PRKN: variants seen among roughly 807,000 people sequenced by gnomAD.
PRKN encodes the protein E3 ubiquitin-protein ligase parkin.
Under a neutral mutation model 59.5 loss-of-function variants are expected in PRKN, and 56 were observed. The observed-to-expected ratio is 0.94, with a 90% CI of 0.76 to 1.18. The LOEUF (loss-of-function observed/expected upper bound fraction) is 1.18, where lower values mean the gene tolerates loss of function less well. Among genes scored for constraint, PRKN ranks in the 50% most tolerant of loss-of-function variants. PRKN has a pLI of 0.00. For missense variants in PRKN, 657 were observed against 596.4 expected, an observed-to-expected ratio of 1.10 and a Z score of -1.06; for synonymous variants, 250 against 222.1, an observed-to-expected ratio of 1.13 and a Z score of -1.12.
At chr6:162,506,251 C>CAAAAAAAAAAAAAAAAA (rs10528135) in intron 1 of PRKN, among the ~76,000 whole-genome samples, 1 of 95,344 alleles carries the variant, frequency 1.0e-5, no homozygotes, top group Non-Finnish European at 2.0e-5. Flanking sequence ...AAAGAGGAAG[C>CAAAAAAAAAAAAAAAAA]AAAAAAAAAA....
chr6:162,170,828 A>G (rs1783237508), intron 4 of PRKN, among the ~76,000 whole-genome samples: 1 of 152,230 alleles, frequency 6.6e-6, no homozygotes, highest in African/African-American at 2.4e-5. Flanking sequence ...GTGGTTTAAA[A>G]GGTAAGAAAC....
At chr6:162,417,764 G>A (rs1288820667) in intron 2 of PRKN, among the ~76,000 whole-genome samples, 2 of 152,136 alleles carry the variant, frequency 1.3e-5, no homozygotes, top group Non-Finnish European at 2.9e-5. Flanking sequence ...ACGTGTTTAC[G>A]GGTCTTCTGT....
Position 161,874,226 on chromosome 6 carries a change from T to A in PRKN, c.735-88318A>T, listed in dbSNP as rs1420084904. Among the ~76,000 whole-genome samples the A allele has an allele frequency of 2.1e-3, 78 of 36,458 alleles. 9 individuals carry two copies. Among genetic ancestry groups the A allele is most frequent in the African/African-American group, 6.2e-3 (52 of 8,392 alleles). 23.9% of individuals were successfully genotyped at this position (36,458 alleles called of 152,430 possible). ...ATTATATGTAAAATATAATATATAT[T>A]ATATATAATATATAATATATAATAT... On this transcript the variant is annotated intron_variant, in intron 6 of 11. Transcript: ENST00000366898.
chr6:161,550,802 G>A lies in PRKN; in HGVS notation c.934-1799C>T, dbSNP rs1219800955. On this transcript the variant is annotated intron_variant, in intron 8 of 11. Transcript: ENST00000366898. The surrounding 1 kb of genome is among the most constrained non-coding windows in gnomAD (Gnocchi z 4.0). ...TGAAATAATTATTTCTATTGTGCTC[G>A]TGTTCAGTTTGATAAGCTATTACAC... 6.6e-5 allele frequency among the ~76,000 whole-genome samples: 10 copies of A among 151,352 alleles called. 1 individual carries two copies. In the South Asian group the frequency reaches 1.0e-3, roughly 16 times the overall value.
intron 5 of PRKN, among the ~76,000 whole-genome samples, chr6:162,018,635 T>C (rs964645728): frequency 6.6e-6 from 1 of 152,200 alleles, no homozygotes; most frequent in Admixed American, 6.5e-5. Flanking sequence ...AAAATTGTAA[T>C]GTGCGAACTG....
At chr6:161,753,648 T>G (rs932385921) in intron 7 of PRKN, among the ~76,000 whole-genome samples, 2 of 152,056 alleles carry the variant, frequency 1.3e-5, no homozygotes, top group Admixed American at 6.5e-5. Flanking sequence ...CCATGAAACC[T>G]AGAGTGCAGA....
chr6:161,943,056 G>T (rs1448028304), intron 6 of PRKN, among the ~76,000 whole-genome samples: 1 of 152,176 alleles, frequency 6.6e-6, no homozygotes, highest in African/African-American at 2.4e-5. Flanking sequence ...CAGCTAAAAT[G>T]ATATCAAACT....
chr6:161,656,157 A>C (rs1245332848), intron 7 of PRKN, among the ~76,000 whole-genome samples: 2 of 152,198 alleles, frequency 1.3e-5, no homozygotes, highest in Non-Finnish European at 2.9e-5. Flanking sequence ...TGACATTCTG[A>C]AAGAAGACCT....
chr6:161,465,650 TC>T (rs1363268781), intron 9 of PRKN, among the ~76,000 whole-genome samples: 1 of 152,190 alleles, frequency 6.6e-6, no homozygotes, highest in Non-Finnish European at 1.5e-5. Flanking sequence ...TATCTCCTTA[TC>T]TTGTGTTTTC....
intron 1 of PRKN, among the ~76,000 whole-genome samples, chr6:162,523,127 T>A (rs1238080589): frequency 6.6e-6 from 1 of 152,280 alleles, no homozygotes; most frequent in Admixed American, 6.5e-5. Context: ...TGAGTGCTTA[T>A]AAAGTGATCA....
intron 2 of PRKN, among the ~76,000 whole-genome samples, chr6:162,377,720 T>C (rs1425607131): frequency 2.0e-5 from 3 of 152,140 alleles, no homozygotes; most frequent in Admixed American, 6.5e-5. Flanking sequence ...TATGAGACCA[T>C]CTACCTTGGT....
At chr6:161,761,737 C>T (rs1236708730) in intron 7 of PRKN, among the ~76,000 whole-genome samples, 1 of 152,176 alleles carries the variant, frequency 6.6e-6, no homozygotes, top group Non-Finnish European at 1.5e-5. Context: ...CTTGTATCAC[C>T]TTAGGAATTC....
At chr6:162,283,591 G>A (rs531929487) in intron 2 of PRKN, among the ~76,000 whole-genome samples, 11 of 152,230 alleles carry the variant, frequency 7.2e-5, no homozygotes, top group South Asian at 6.2e-4. Context: ...GCACGATCTC[G>A]GCTCACTGCA....
At chr6:161,945,978 T>G (rs1779761256) in intron 6 of PRKN, among the ~76,000 whole-genome samples, 1 of 152,206 alleles carries the variant, frequency 6.6e-6, no homozygotes, top group African/African-American at 2.4e-5. Context: ...CTTAGGGTGA[T>G]GAGAACTTCC....
At chr6:162,059,601 G>T (rs1778010929) in intron 4 of PRKN, among the ~76,000 whole-genome samples, 1 of 152,220 alleles carries the variant, frequency 6.6e-6, no homozygotes, top group Non-Finnish European at 1.5e-5. Context: ...CATGGCAGTA[G>T]AAGGGAGCTA....
intron 2 of PRKN, among the ~76,000 whole-genome samples, chr6:162,434,547 CTCCCAT>C (rs1295870320): frequency 6.6e-6 from 1 of 152,126 alleles, no homozygotes; most frequent in Admixed American, 6.6e-5. Context: ...AGGCCAGACT[CTCCCAT>C]TCCCATTTAA....
chr6:162,511,111 A>G (rs1777595398), intron 1 of PRKN, among the ~76,000 whole-genome samples: 1 of 152,116 alleles, frequency 6.6e-6, no homozygotes, highest in Non-Finnish European at 1.5e-5. Flanking sequence ...GAGATCTTAA[A>G]GTTTTTCTAT....
At chr6:161,963,577 G>A (rs747830636) in intron 6 of PRKN, among the ~76,000 whole-genome samples, 5 of 152,178 alleles carry the variant, frequency 3.3e-5, no homozygotes, top group African/African-American at 4.8e-5. Flanking sequence ...CTGTGACTTG[G>A]ACTTCAAAAT....
intron 2 of PRKN, among the ~76,000 whole-genome samples, chr6:162,295,557 A>T (rs957286019): frequency 5.9e-5 from 9 of 152,164 alleles, no homozygotes; most frequent in Admixed American, 3.9e-4. Context: ...TCCTATTAGG[A>T]CTAATGCCAT....
Sources: gnomAD v4.1 joint callset for allele counts (sites outside exome capture counted in the v4.1 genomes callset) on GRCh38, gnomAD v4.1.1 for gene constraint, Gnocchi (gnomAD v3.1) non-coding constraint, MANE v1.5 for transcripts, NCBI Gene and HGNC (gene_info 2026-07-23, HGNC 2026-07-21) for gene names.